Variants in SEMA3E observed in about 807,000 individuals in gnomAD.
SEMA3E encodes semaphorin-3E.
Under a neutral mutation model 93.6 loss-of-function variants are expected in SEMA3E, and 49 were observed. The observed-to-expected ratio is 0.52, with a 90% CI of 0.42 to 0.66. The LOEUF (loss-of-function observed/expected upper bound fraction) is 0.66. SEMA3E is among the 30% of genes least tolerant of loss of function. SEMA3E has a pLI of 0.00. For missense variants in SEMA3E, 906 were observed against 964.8 expected (o/e 0.94, Z 0.81); for synonymous variants, 363 against 330.7 (o/e 1.10, Z -1.06).
At chr7:83,496,782 G>A (rs1214130199) in intron 1 of SEMA3E, among the ~76,000 whole-genome samples, 1 of 151,952 alleles carries the variant, frequency 6.6e-6, no homozygotes, top group Non-Finnish European at 1.5e-5. Flanking sequence ...CCAAGTAATG[G>A]CTGACTCCTT....
At chr7:83,446,737 C>G (rs530901086) in intron 4 of SEMA3E, among the ~76,000 whole-genome samples, 390 of 152,238 alleles carry the variant, frequency 2.6e-3, no homozygotes, top group Middle Eastern at 0.017. Flanking sequence ...AATAACTTGG[C>G]CTTTGACCAT....
intron 1 of SEMA3E, among the ~76,000 whole-genome samples, chr7:83,516,859 A>G (rs1367659434): frequency 6.6e-6 from 1 of 151,786 alleles, no homozygotes; most frequent in African/African-American, 2.4e-5. Flanking sequence ...TTCCAGGGAA[A>G]CTACAATAAT....
At position 83,556,630 on chromosome 7, in the gene SEMA3E, T is replaced by G. The variant is rs143123493; in HGVS notation, c.116-66356A>C. ...GCAGGCATGCCATAATGGTGTAGAT[T>G]GCCATCTGGGGATCTCAAGTAAATT... On this transcript the variant is annotated intron_variant, in intron 1 of 16. Transcript: ENST00000643230. 6.3e-3 allele frequency among the ~76,000 whole-genome samples: 928 copies of G among 147,498 alleles called. 9 individuals carry two copies. Among genetic ancestry groups the G allele is most frequent in the African/African-American group, 0.022 (892 of 40,060 alleles).
chr7:83,414,064 A>C (rs767042944), intron 5 of SEMA3E, among the ~76,000 whole-genome samples: 2 of 152,318 alleles, frequency 1.3e-5, no homozygotes, highest in East Asian at 1.9e-4. Context: ...AGTGAGAGAG[A>C]GAGCGAGCAG....
chr7:83,558,210 A>G (rs1438485036), intron 1 of SEMA3E, among the ~76,000 whole-genome samples: 1 of 152,178 alleles, frequency 6.6e-6, no homozygotes, highest in Admixed American at 6.6e-5. Context: ...ATGTATATAT[A>G]TTTTTTAAAG....
At chr7:83,556,325 C>T (rs1406794450) in intron 1 of SEMA3E, among the ~76,000 whole-genome samples, 1 of 152,112 alleles carries the variant, frequency 6.6e-6, no homozygotes, top group African/African-American at 2.4e-5. Context: ...ATGCAAATAA[C>T]CTGTATTATC....
chr7:83,483,855 T>C (rs1790197458), intron 2 of SEMA3E, among the ~76,000 whole-genome samples: 1 of 152,138 alleles, frequency 6.6e-6, no homozygotes, highest in Non-Finnish European at 1.5e-5. Context: ...GTTATTTATC[T>C]TCCCTGAAGA....
At position 83,523,562 on chromosome 7, in the gene SEMA3E, C is replaced by G. The variant is rs145592142; in HGVS notation, c.116-33288G>C. The stretch of plus-strand genomic sequence containing the variant: ...CATTATCGCTTTTCTCTCTCAGTGG[C>G]ATGTGCTTCTCTTAGCCATTCTGCC... On this transcript the variant is annotated intron_variant, in intron 1 of 16. Coordinates refer to ENST00000643230, the MANE Select transcript of SEMA3E (RefSeq NM_012431.3). Among the ~76,000 whole-genome samples the G allele has an allele frequency of 3.6e-4, 55 of 152,194 alleles. No homozygotes were observed. The East Asian group carries it at 7.6e-3, about 21-fold the overall frequency.
chr7:83,566,966 C>G (rs765884272), intron 1 of SEMA3E, among the ~76,000 whole-genome samples: 7 of 151,766 alleles, frequency 4.6e-5, no homozygotes, highest in Admixed American at 6.6e-5. Context: ...AGTTTTCCAC[C>G]TAAAATATAT....
chr7:83,536,312 A>G (rs913063229), intron 1 of SEMA3E, among the ~76,000 whole-genome samples: 6 of 152,080 alleles, frequency 3.9e-5, no homozygotes, highest in Non-Finnish European at 7.4e-5. Flanking sequence ...GTTGGCCAGG[A>G]GAATGTCTTA....
chr7:83,414,295 T>A (rs1318930401), intron 5 of SEMA3E, among the ~76,000 whole-genome samples: 1 of 152,120 alleles, frequency 6.6e-6, no homozygotes, highest in African/African-American at 2.4e-5. Flanking sequence ...TTTGTGCCAG[T>A]TTATTCCCTG....
chr7:83,607,420 C>T (rs1338878889), intron 1 of SEMA3E, among the ~76,000 whole-genome samples: 4 of 152,126 alleles, frequency 2.6e-5, no homozygotes, highest in Admixed American at 2.0e-4. Flanking sequence ...CTTTGCTTTG[C>T]CTATGTTAAT....
At position 83,367,906 on chromosome 7, in the gene SEMA3E, A is replaced by G. The variant is rs1204754055; in HGVS notation, c.2008T>C (p.Leu670=). 3 of 1,610,832 alleles carry G rather than the reference A, an allele frequency of 1.9e-6. No homozygotes were observed. The highest frequency in any genetic ancestry group is 1.7e-6 in the Non-Finnish European group (2 of 1,177,954). The change falls in exon 17 of 17, where the codon TTG becomes CTG. Residue 670 remains leucine (L), a synonymous_variant. Coordinates refer to ENST00000643230, the MANE Select transcript of SEMA3E (RefSeq NM_012431.3). ...SFVHTVRKIT[L]EVVEEEKVED... is the part of the protein sequence containing the mutation. ...ACTTTCTCCTCTTCCACTACCTCCA[A>G]GGTGATTTTACGGACCGTATGGACA...
chr7:83,421,557 A>T (rs1295126772), intron 4 of SEMA3E, among the ~76,000 whole-genome samples: 1 of 142,236 alleles, frequency 7.0e-6, no homozygotes, highest in African/African-American at 2.5e-5. Context: ...AACTAATTTA[A>T]AATAGAACAT....
chr7:83,443,916 G>GATATATATATATAT (rs60405752), intron 4 of SEMA3E, among the ~76,000 whole-genome samples: 28 of 147,376 alleles, frequency 1.9e-4, no homozygotes, highest in African/African-American at 6.2e-4. Flanking sequence ...ATAATGACCT[G>GATATATATATATAT]ATATATATAT....
chr7:83,394,045 T>C (rs932811940), intron 13 of SEMA3E, among the ~76,000 whole-genome samples: 1 of 152,166 alleles, frequency 6.6e-6, no homozygotes. Context: ...ACAAGATTAA[T>C]AAGGTTTAGA....
intron 1 of SEMA3E, among the ~76,000 whole-genome samples, chr7:83,635,373 T>G (rs1268195270): frequency 3.3e-5 from 5 of 151,868 alleles, no homozygotes; most frequent in Non-Finnish European, 7.4e-5. Flanking sequence ...AGACTTCTTT[T>G]TATAGATTAT....
Position 83,466,617 on chromosome 7 carries a change from A to G in SEMA3E, c.337-16T>C, listed in dbSNP as rs775325605. On this transcript the variant is annotated splice_polypyrimidine_tract_variant and intron_variant, in intron 3 of 16. Transcript: ENST00000643230. Reference sequence around the variant, plus strand: ...CACATTCACCCTAAAGCAGGAAAAAAAGGGAAGGAATCTATCAGTATAATA... The same window carrying G: ...CACATTCACCCTAAAGCAGGAAAAAGAGGGAAGGAATCTATCAGTATAATA... 6 of 1,611,850 alleles carry G rather than the reference A, an allele frequency of 3.7e-6. No individual in the cohort carries two copies. Among genetic ancestry groups the G allele is most frequent in the Admixed American group, 1.7e-5 (1 of 59,984 alleles).
At chr7:83,584,597 G>C (rs1358979772) in intron 1 of SEMA3E, among the ~76,000 whole-genome samples, 1 of 152,220 alleles carries the variant, frequency 6.6e-6, no homozygotes, top group Non-Finnish European at 1.5e-5. Context: ...GTTCCAAACA[G>C]TTCAGGCATA....
Sources: allele counts gnomAD v4.1 joint callset (sites outside exome capture counted in the v4.1 genomes callset), GRCh38; gene constraint gnomAD v4.1.1; transcripts MANE v1.5; gene names NCBI Gene and HGNC (gene_info 2026-07-23, HGNC 2026-07-21).